The following LRP1B variants were observed in gnomAD, a reference collection of about 807,000 sequenced individuals.
LRP1B encodes the protein LDL receptor related protein 1B, also known as low-density lipoprotein receptor-related protein 1B.
LRP1B carries 217 observed loss-of-function variants against 556.6 expected under a neutral mutation model. The ratio of observed to expected loss-of-function variants is 0.39; its 90% CI spans 0.35 to 0.44. LRP1B has a LOEUF of 0.44. LRP1B is among the 20% of genes least tolerant of loss of function. LRP1B has a pLI of 1.00. For missense variants in LRP1B, 5,053 were observed against 5,620.8 expected, an observed-to-expected ratio of 0.90 and a Z score of 3.23; for synonymous variants, 2,047 against 1,865.8, an observed-to-expected ratio of 1.10 and a Z score of -2.50.
intron 41 of LRP1B, among the ~76,000 whole-genome samples, chr2:140,672,220 G>T (rs1685509266): frequency 6.6e-6 from 1 of 152,292 alleles, no homozygotes; most frequent in East Asian, 1.9e-4. Flanking sequence ...GGGCTCAGTG[G>T]CTCACGCCTG....
At chr2:141,919,395 A>C (rs910790122) in intron 1 of LRP1B, among the ~76,000 whole-genome samples, 4 of 152,052 alleles carry the variant, frequency 2.6e-5, no homozygotes, top group African/African-American at 9.7e-5. Context: ...TCCTGCACTA[A>C]TATAAGAAAT....
rs529746594 is a variant in LRP1B at position 140,524,119 on chromosome 2, A to T, written c.8026+1725T>A. On this transcript the variant is annotated intron_variant, in intron 49 of 90. Transcript: ENST00000389484. Reference sequence around the variant, plus strand: ...AATCTATAAGGAATTTAAATAAATCAATAAGAAATAAAAAAAACAAATAAC... The same window carrying T: ...AATCTATAAGGAATTTAAATAAATCTATAAGAAATAAAAAAAACAAATAAC... Among the ~76,000 whole-genome samples the T allele has an allele frequency of 7.8e-4, 62 of 79,984 alleles. 1 individual carries two copies. The East Asian group carries it at 0.012, about 15-fold the overall frequency. 52.5% of individuals were successfully genotyped at this position (79,984 alleles called of 152,430 possible).
chr2:140,781,773 C>T (rs529972960), intron 32 of LRP1B, among the ~76,000 whole-genome samples: 1 of 152,350 alleles, frequency 6.6e-6, no homozygotes, highest in East Asian at 1.9e-4. Context: ...ACCGCATCCT[C>T]TGTAAAGTAT....
rs1688423026 is a variant in LRP1B at position 140,485,391 on chromosome 2, C to T, written c.9377G>A (p.Ser3126Asn). The change falls in exon 59 of 91, where the codon AGC (serine) becomes AAC (asparagine). Residue 3126 changes from serine to asparagine, a missense_variant. Ser to Asn is a conservative substitution (Grantham distance 46). Around this residue, in one of 5 missense-constraint regions of LRP1B, gnomAD observed 3,619 missense variants for 3,931.9 expected, o/e 0.92. Coordinates refer to ENST00000389484, the MANE Select transcript of LRP1B (RefSeq NM_018557.3). ...GTCTCTGGGAAACTTCAGCCTTTTG[C>T]TAACGAGTATAGTAGGGTACAAGCC... ...LNGLYPTILV[S>N]KRLKFPRDLS... The T allele has an allele frequency of 3.1e-6, 5 of 1,613,020 alleles. No individual in the cohort carries two copies. The highest frequency in any genetic ancestry group is 4.2e-6 in the Non-Finnish European group (5 of 1,179,582).
intron 1 of LRP1B, among the ~76,000 whole-genome samples, chr2:142,043,348 G>A (rs772688482): frequency 2.0e-5 from 3 of 151,424 alleles, no homozygotes; most frequent in Non-Finnish European, 4.4e-5. Flanking sequence ...ACTCCTTATG[G>A]TATGATAGCA....
At chr2:140,298,503 T>C (rs1225342109) in intron 83 of LRP1B, among the ~76,000 whole-genome samples, 1 of 152,178 alleles carries the variant, frequency 6.6e-6, no homozygotes, top group African/African-American at 2.4e-5. Context: ...CATTACTCTA[T>C]TTGACTTAAA....
intron 66 of LRP1B, among the ~76,000 whole-genome samples, chr2:140,387,376 A>G (rs1683803879): frequency 6.6e-6 from 1 of 152,238 alleles, no homozygotes; most frequent in Admixed American, 6.5e-5. Context: ...GCATTTTCAT[A>G]CACAGAATCA....
At chr2:141,680,530 T>C (rs1691064570) in intron 2 of LRP1B, among the ~76,000 whole-genome samples, 1 of 152,160 alleles carries the variant, frequency 6.6e-6, no homozygotes. Flanking sequence ...GGGCATACAT[T>C]TCTCCCACTA....
At chr2:141,906,104 T>G (rs1699753013) in intron 1 of LRP1B, among the ~76,000 whole-genome samples, 1 of 150,640 alleles carries the variant, frequency 6.6e-6, no homozygotes, top group Non-Finnish European at 1.5e-5. Context: ...GAGAGGGAAT[T>G]TAAAATAGAA....
At chr2:141,756,560 CACACACACA>C (rs1574325913) in intron 2 of LRP1B, among the ~76,000 whole-genome samples, 2 of 151,614 alleles carry the variant, frequency 1.3e-5, no homozygotes, top group East Asian at 3.9e-4. Flanking sequence ...CACACACACA[CACACACACA>C]CACACACACA....
At chr2:140,998,486 A>G (rs962366758) in intron 15 of LRP1B, among the ~76,000 whole-genome samples, 1 of 151,936 alleles carries the variant, frequency 6.6e-6, no homozygotes, top group African/African-American at 2.4e-5. Flanking sequence ...TTGGTAATTG[A>G]TCACCTAGCT....
intron 1 of LRP1B, among the ~76,000 whole-genome samples, chr2:142,087,764 T>A (rs1706002799): frequency 6.6e-6 from 1 of 151,990 alleles, no homozygotes; most frequent in Admixed American, 6.6e-5. Context: ...ATATAGCAGC[T>A]TTCCTTAAGC....
chr2:140,858,963 T>C lies in LRP1B; in HGVS notation c.4580-7180A>G, dbSNP rs146277474. The stretch of plus-strand genomic sequence containing the variant: ...TATTCCATGGTGTATATGTACCACA[T>C]TATCTTTATCCAGCCTAGTTAGATT... On this transcript the variant is annotated intron_variant, in intron 27 of 90. Coordinates refer to ENST00000389484, the MANE Select transcript of LRP1B (RefSeq NM_018557.3). Among the ~76,000 whole-genome samples the C allele has an allele frequency of 1.8e-3, 269 of 152,300 alleles. 2 individuals are homozygous for C. Among genetic ancestry groups the C allele is most frequent in the African/African-American group, 5.7e-3 (239 of 41,572 alleles).
intron 3 of LRP1B, among the ~76,000 whole-genome samples, chr2:141,370,285 T>C (rs1251563766): frequency 5.3e-5 from 8 of 152,310 alleles, no homozygotes; most frequent in Non-Finnish European, 2.9e-5. Flanking sequence ...AGATCTCCCT[T>C]TTCTCTACAT....
In LRP1B at chr2:141,091,071, G is replaced by A. The variant is rs190066357; in HGVS notation, c.1014-28798C>T. Among the ~76,000 whole-genome samples, 437 of 152,210 alleles carry A rather than the reference G, an allele frequency of 2.9e-3. 2 individuals carry two copies. Among genetic ancestry groups the A allele is most frequent in the Non-Finnish European group, 5.1e-3 (344 of 68,008 alleles). ...AGAGTTGCTGGATACATGAAGTTTG[G>A]TCAATTATCATTTTCTTCTCAAATC... On this transcript the variant is annotated intron_variant, in intron 7 of 90. Coordinates refer to ENST00000389484, the MANE Select transcript of LRP1B (RefSeq NM_018557.3).
intron 1 of LRP1B, among the ~76,000 whole-genome samples, chr2:141,922,610 A>G (rs1303533989): frequency 2.0e-5 from 3 of 152,188 alleles, no homozygotes; most frequent in Non-Finnish European, 4.4e-5. Flanking sequence ...TTGTATAAAG[A>G]AGGTATTTAA....
At chr2:141,587,364 A>G (rs1687178916) in intron 2 of LRP1B, among the ~76,000 whole-genome samples, 1 of 152,228 alleles carries the variant, frequency 6.6e-6, no homozygotes, top group Non-Finnish European at 1.5e-5. Flanking sequence ...CTGACCTGGC[A>G]TTATAGAAAT....
At chr2:140,928,940 G>T (rs1359179804) in intron 20 of LRP1B, among the ~76,000 whole-genome samples, 5 of 152,120 alleles carry the variant, frequency 3.3e-5, no homozygotes, top group African/African-American at 1.2e-4. Context: ...TGAGAGGTAG[G>T]TAGGGGTGAC....
Position 141,708,229 on chromosome 2 carries a change from T to TA in LRP1B, c.205+102049dup, listed in dbSNP as rs974493829. 2.1e-3 allele frequency among the ~76,000 whole-genome samples: 321 copies of TA among 150,050 alleles called. 1 individual carries two copies. The highest frequency in any genetic ancestry group is 7.1e-3 in the African/African-American group (293 of 41,050). On this transcript the variant is annotated intron_variant, in intron 2 of 90. Coordinates refer to ENST00000389484, the MANE Select transcript of LRP1B (RefSeq NM_018557.3). ...TCCCAGGACTTAATATAAAATAAAT[T>TA]AAAAAAAAAACAAAATTAAATCTAT...
Sources: allele counts gnomAD v4.1 joint callset (sites outside exome capture counted in the v4.1 genomes callset), GRCh38; gene constraint gnomAD v4.1.1; regional missense constraint gnomAD v4.1.1; transcripts MANE v1.5; gene names NCBI Gene and HGNC (gene_info 2026-07-23, HGNC 2026-07-21).